The following DCHS2 variants were observed in gnomAD, a reference collection of about 807,000 sequenced individuals.
DCHS2 encodes protocadherin-23.
In DCHS2, 142 loss-of-function variants were observed where a neutral mutation model predicts 182.4. That is an observed-to-expected ratio of 0.78 (90% CI 0.68 to 0.89). The LOEUF (loss-of-function observed/expected upper bound fraction) is 0.89. Ranked by LOEUF, DCHS2 falls within the 40% of genes least tolerant of loss-of-function variation. The pLI is 0.00. For missense variants in DCHS2, 4,319 were observed against 4,198.6 expected (o/e 1.03, Z -0.79); for synonymous variants, 1,740 against 1,663.3 (o/e 1.05, Z -1.12).
In DCHS2 at chr4:154,333,121, G is replaced by A. The variant is rs1728562931; in HGVS notation, c.3087C>T (p.Asp1029=). 1 of 1,614,128 alleles carries A rather than the reference G, an allele frequency of 6.2e-7. No homozygotes were observed. The highest frequency in any genetic ancestry group is 8.5e-7 in the Non-Finnish European group (1 of 1,180,034). Residue 1029 remains aspartate (D), a synonymous_variant, in exon 5 of 20, where the codon GAC becomes GAT. Transcript: ENST00000357232. ...TGAGGAACAGCACCCCCAGGGCTCT[G>A]TCGATGGCAAAGACGCCTGGCTGCG... ...ASPQPGVFAI[D]RALGVLFLNG...
At chr4:154,480,281 G>C (rs976044850) in intron 1 of DCHS2, among the ~76,000 whole-genome samples, 4 of 152,188 alleles carry the variant, frequency 2.6e-5, no homozygotes, top group African/African-American at 9.7e-5. Context: ...TTAATCGCTT[G>C]AAATCATACC....
intron 1 of DCHS2, among the ~76,000 whole-genome samples, chr4:154,405,014 A>T (rs538819161): frequency 2.0e-5 from 3 of 152,182 alleles, no homozygotes; most frequent in African/African-American, 7.2e-5. Context: ...TGGGAGGCTG[A>T]GGTGGCTGGA....
intron 9 of DCHS2, among the ~76,000 whole-genome samples, chr4:154,316,618 T>G (rs952515395): frequency 2.0e-5 from 3 of 151,886 alleles, no homozygotes; most frequent in African/African-American, 7.3e-5. Context: ...CTCCATCTCC[T>G]CTAAAAACAC....
Position 154,329,710 on chromosome 4 carries a change from C to T in DCHS2, c.3731G>A (p.Gly1244Glu). 1 of 1,611,620 alleles carries T rather than the reference C, an allele frequency of 6.2e-7. No individual in the cohort carries two copies. The highest frequency in any genetic ancestry group is 1.1e-5 in the South Asian group (1 of 90,958). ...GKFFKMNPNTGELINWVALDR... is the reference protein window; with the variant it reads ...GKFFKMNPNTEELINWVALDR... The stretch of plus-strand genomic sequence containing the variant: ...CAGTGCCACCCAATTGATTAACTCT[C>T]CTGCAGAGTACAGAGCAGAACAAGA... Residue 1244 changes from glycine to glutamate, a missense_variant and splice_region_variant, in exon 6 of 20, where the codon GGA becomes GAA. Gly to Glu is a moderately conservative substitution (Grantham distance 98, BLOSUM62 -2). Coordinates refer to ENST00000357232, the MANE Select transcript of DCHS2 (RefSeq NM_001358235.2).
intron 15 of DCHS2, among the ~76,000 whole-genome samples, chr4:154,258,398 AT>A (rs1274896046): frequency 5.8e-5 from 4 of 69,158 alleles, no homozygotes; most frequent in African/African-American, 2.4e-4. Flanking sequence ...TTTTTGTGAG[AT>A]TGAGTTTTGC....
chr4:154,457,635 T>TA (rs2110990052), intron 1 of DCHS2, among the ~76,000 whole-genome samples: 1 of 152,320 alleles, frequency 6.6e-6, no homozygotes, highest in East Asian at 1.9e-4. Context: ...TTTTGTTTTT[T>TA]AGAGTATCTA....
intron 1 of DCHS2, chr4:154,486,669 TAAAG>T: frequency 1.7e-6 from 1 of 580,162 alleles, no homozygotes; most frequent in Non-Finnish European, 2.6e-6. Flanking sequence ...CAAAGTGGTA[TAAAG>T]AAAGATTGAG....
chr4:154,344,732 C>A (rs966638748), intron 3 of DCHS2, among the ~76,000 whole-genome samples: 23 of 152,136 alleles, frequency 1.5e-4, no homozygotes, highest in African/African-American at 4.6e-4. Context: ...AGCCCTGAGG[C>A]GGTGCCGCAG....
intron 3 of DCHS2, among the ~76,000 whole-genome samples, chr4:154,341,287 T>C (rs1256190451): frequency 6.9e-6 from 1 of 145,748 alleles, no homozygotes; most frequent in Admixed American, 7.2e-5. Context: ...GAGAATGGCG[T>C]GAACCCGGGA....
chr4:154,461,818 C>G (rs1160188465), intron 1 of DCHS2, among the ~76,000 whole-genome samples: 4 of 152,054 alleles, frequency 2.6e-5, no homozygotes, highest in Non-Finnish European at 5.9e-5. Context: ...AGAGCAAGAA[C>G]CTGGACATTT....
At chr4:154,334,488 T>G (rs1728683703) in intron 4 of DCHS2, 1 of 167,928 alleles carries the variant, frequency 6.0e-6, no homozygotes, top group African/African-American at 2.4e-5. Flanking sequence ...GGAAAGTTGT[T>G]CAGTATATAC....
At chr4:154,318,048 A>G (rs1735924062) in intron 9 of DCHS2, among the ~76,000 whole-genome samples, 1 of 152,110 alleles carries the variant, frequency 6.6e-6, no homozygotes, top group Non-Finnish European at 1.5e-5. Flanking sequence ...CACTATTGGT[A>G]CCATATCCTA....
chr4:154,376,213 G>T (rs1017462050), intron 2 of DCHS2, among the ~76,000 whole-genome samples: 9 of 151,988 alleles, frequency 5.9e-5, no homozygotes, highest in Admixed American at 5.9e-4. Context: ...CTTATTATTT[G>T]TGCATTTCTC....
intron 1 of DCHS2, among the ~76,000 whole-genome samples, chr4:154,386,531 C>T (rs1731428541): frequency 6.6e-6 from 1 of 152,034 alleles, no homozygotes; most frequent in Non-Finnish European, 1.5e-5. Context: ...GAGAACTTAT[C>T]TCCAAGTTAT....
At chr4:154,334,390 A>C (rs1728677945) in intron 4 of DCHS2, 1 of 154,178 alleles carries the variant, frequency 6.5e-6, no homozygotes, top group African/African-American at 2.4e-5. Flanking sequence ...AAATCCTTCA[A>C]ATTGGTAGCA....
At chr4:154,458,305 G>C (rs908872662) in intron 1 of DCHS2, among the ~76,000 whole-genome samples, 5 of 151,496 alleles carry the variant, frequency 3.3e-5, no homozygotes, top group African/African-American at 1.2e-4. Context: ...CAAATGAATG[G>C]AATTTTCATT....
At chr4:154,412,997 GAGGA>G (rs1732693182) in intron 1 of DCHS2, among the ~76,000 whole-genome samples, 1 of 152,168 alleles carries the variant, frequency 6.6e-6, no homozygotes, top group Admixed American at 6.5e-5. Flanking sequence ...GGAAGAGGAG[GAGGA>G]AGGAAGGAAG....
intron 16 of DCHS2, among the ~76,000 whole-genome samples, chr4:154,250,408 C>T (rs1037730437): frequency 3.9e-5 from 6 of 152,040 alleles, no homozygotes; most frequent in Admixed American, 3.3e-4. Context: ...ACACATTTTC[C>T]CTGGATGAAT....
intron 9 of DCHS2, among the ~76,000 whole-genome samples, chr4:154,319,769 T>G (rs959210207): frequency 6.7e-6 from 1 of 149,702 alleles, no homozygotes; most frequent in Non-Finnish European, 1.5e-5. Flanking sequence ...CTATGGAAAA[T>G]AGTATGGATG....
Sources: gnomAD v4.1 joint callset for allele counts (sites outside exome capture counted in the v4.1 genomes callset) on GRCh38, gnomAD v4.1.1 for gene constraint, MANE v1.5 for transcripts, NCBI Gene and HGNC (gene_info 2026-07-23, HGNC 2026-07-21) for gene names.